Variants in POMGNT1 observed in about 807,000 individuals in gnomAD.
POMGNT1 encodes the protein protein O-linked-mannose beta-1,2-N-acetylglucosaminyltransferase 1.
POMGNT1 carries 67 observed loss-of-function variants against 95.6 expected under a neutral mutation model. The ratio of observed to expected loss-of-function variants is 0.70; its 90% CI spans 0.58 to 0.86. The LOEUF (loss-of-function observed/expected upper bound fraction) is 0.86. Among genes scored for constraint, POMGNT1 ranks in the 40% least tolerant of loss-of-function variants. The pLI is 0.00. For synonymous variants in POMGNT1, 298 were observed against 317.9 expected, an observed-to-expected ratio of 0.94 and a Z score of 0.66; for missense variants, 719 against 855.2, an observed-to-expected ratio of 0.84 and a Z score of 1.99.
chr1:46,197,218 C>G (rs1204111160), intron 2 of POMGNT1, 134 bp from the exon 3 acceptor site: 1 of 1,578,484 alleles, frequency 6.3e-7, no homozygotes, highest in Non-Finnish European at 8.6e-7. Context: ...GTCTGCCTAG[C>G]TCTACTCCCC....
rs2148219344 is a variant in POMGNT1 at position 46,197,054 on chromosome 1, C to T, written c.151G>A (p.Val51Ile). The T allele has an allele frequency of 6.2e-7, 1 of 1,614,148 alleles. No individual in the cohort carries two copies. Among genetic ancestry groups the T allele is most frequent in the South Asian group, 1.1e-5 (1 of 91,066 alleles). Residue 51 changes from valine to isoleucine, a missense_variant, in exon 3 of 22, where the codon GTC (valine) becomes ATC (isoleucine). Around this residue, in one of 5 missense-constraint regions of POMGNT1, gnomAD observed 466 missense variants for 517.4 expected, o/e 0.90. Transcript: ENST00000371984. ...AGGATCAACTTGATATTGACAATGA[C>T]AGTCACCAGCAGGAAAAGCACGGCC... ...TGAVLFLLVT[V>I]IVNIKLILDT...
intron 1 of POMGNT1, among the ~76,000 whole-genome samples, chr1:46,207,419 C>G (rs1321512138): frequency 6.6e-6 from 1 of 151,618 alleles, no homozygotes; most frequent in Non-Finnish European, 1.5e-5. Context: ...CAGCTCATGT[C>G]CCTTATCCTA....
chr1:46,188,773 G>T lies in POMGNT1; in HGVS notation c.*497C>A. ...GAAGGCTGAGAGGAGGCCTGGTCCAGTGTCTAAGGGTCTCTGAGTGAGTCT... is the reference window on the plus strand; with the variant it reads ...GAAGGCTGAGAGGAGGCCTGGTCCATTGTCTAAGGGTCTCTGAGTGAGTCT... On this transcript the variant is annotated 3_prime_UTR_variant, in exon 22 of 22. Coordinates refer to ENST00000371984, the MANE Select transcript of POMGNT1 (RefSeq NM_017739.4). 1 of 1,612,864 alleles carries T rather than the reference G, an allele frequency of 6.2e-7. No homozygotes were observed. Among genetic ancestry groups the T allele is most frequent in the Non-Finnish European group, 8.5e-7 (1 of 1,179,852 alleles).
chr1:46,193,985 C>G lies in POMGNT1; in HGVS notation c.880-60G>C, dbSNP rs1426706403. 5 of 1,601,900 alleles carry G rather than the reference C, an allele frequency of 3.1e-6. No individual in the cohort carries two copies. In the African/African-American group the frequency reaches 4.0e-5, roughly 13 times the overall value. On this transcript the variant is annotated intron_variant, in intron 9 of 21. Coordinates refer to ENST00000371984, the MANE Select transcript of POMGNT1 (RefSeq NM_017739.4). ...TCCCCCTTCAAACTGGGATCCCCAC[C>G]TAGGGAAGACTTCTCAGGTGAGGGT...
intron 9 of POMGNT1, 129 bp from the exon 10 acceptor site, chr1:46,194,054 C>T: frequency 6.5e-7 from 1 of 1,547,440 alleles, no homozygotes; most frequent in Non-Finnish European, 8.7e-7. Flanking sequence ...AGGATCTTCC[C>T]TGTTCTGGGC....
Position 46,197,802 on chromosome 1 carries a change from C to T in POMGNT1, c.20G>A (p.Ser7Asn). 6.2e-7 allele frequency: 1 copy of T among 1,614,142 alleles called. No homozygotes were observed. The highest frequency in any genetic ancestry group is 8.5e-7 in the Non-Finnish European group (1 of 1,180,024). MDDWKP[S>N]PLIKPFGARK... ...AGCCCCAAAGGGCTTGATGAGGGGG[C>T]TGGGCTTCCAGTCGTCCATACCGGA... Residue 7 changes from serine to asparagine, a missense_variant, in exon 2 of 22, where the codon AGC (serine) becomes AAC (asparagine). Around this residue, in one of 5 missense-constraint regions of POMGNT1, gnomAD observed 466 missense variants for 517.4 expected, o/e 0.90. Coordinates refer to ENST00000371984, the MANE Select transcript of POMGNT1 (RefSeq NM_017739.4).
chr1:46,197,658 T>G (rs928824385), intron 2 of POMGNT1, 44 bp downstream of exon 2: 1 of 1,612,636 alleles, frequency 6.2e-7, no homozygotes, highest in African/African-American at 1.3e-5. Context: ...GGGAGGAAGC[T>G]GGGAGGGAGC....
chr1:46,190,790 G>A lies in POMGNT1; in HGVS notation c.1540-6C>T, dbSNP rs770449394. 3.7e-5 allele frequency: 59 copies of A among 1,609,958 alleles called. No homozygotes were observed. The East Asian group carries it at 7.6e-4, about 21-fold the overall frequency. Reference sequence around the variant, plus strand: ...TGCTTCTTGAAGTAGGCCTCCTGGAGTGGGTATGAGAGTGAAAATCAGCAC... The same window carrying A: ...TGCTTCTTGAAGTAGGCCTCCTGGAATGGGTATGAGAGTGAAAATCAGCAC... On this transcript the variant is annotated splice_region_variant and splice_polypyrimidine_tract_variant and intron_variant, in intron 17 of 21. Coordinates refer to ENST00000371984, the MANE Select transcript of POMGNT1 (RefSeq NM_017739.4).
chr1:46,213,939 C>T (rs1658981749), intron 1 of POMGNT1, among the ~76,000 whole-genome samples: 2 of 151,990 alleles, frequency 1.3e-5, no homozygotes, highest in East Asian at 1.9e-4. Flanking sequence ...TCAGAGTTGG[C>T]AAGCTTCATA....
chr1:46,204,154 A>G (rs573601524), intron 1 of POMGNT1, among the ~76,000 whole-genome samples: 1 of 152,274 alleles, frequency 6.6e-6, no homozygotes, highest in Admixed American at 6.5e-5. Context: ...TACATCCCCC[A>G]GCCCTACTTA....
In POMGNT1 at chr1:46,188,799, G is replaced by A; in HGVS notation, c.*471C>T. The A allele has an allele frequency of 6.2e-7, 1 of 1,612,924 alleles. No homozygotes were observed. ...TGTCTAAGGGTCTCTGAGTGAGTCT[G>A]TGTCAGCATGTGGGCCCCAGCTGGG... On this transcript the variant is annotated 3_prime_UTR_variant, in exon 22 of 22. Transcript: ENST00000371984.
chr1:46,198,545 C>CGGCGGT (rs1165538506), upstream of POMGNT1: 1 of 169,558 alleles, frequency 5.9e-6, no homozygotes, highest in African/African-American at 2.4e-5. Flanking sequence ...GCGGCGGTGG[C>CGGCGGT]GGCAGCGGCG....
upstream of POMGNT1, among the ~76,000 whole-genome samples, chr1:46,202,917 G>GTGT (rs1553164806): frequency 9.8e-6 from 1 of 101,920 alleles, no homozygotes; most frequent in African/African-American, 3.8e-5. Flanking sequence ...GGGGGGGGGG[G>GTGT]GTGGTGTGTG....
At chr1:46,212,516 C>T (rs914649647) in intron 1 of POMGNT1, among the ~76,000 whole-genome samples, 5 of 151,730 alleles carry the variant, frequency 3.3e-5, no homozygotes, top group Non-Finnish European at 5.9e-5. Flanking sequence ...CTCCTGACCT[C>T]GTGATCCGCC....
In POMGNT1 at chr1:46,219,674, C is replaced by A. The variant is rs770049366; in HGVS notation, c.-51+31G>T. 39 of 1,548,816 alleles carry A rather than the reference C, an allele frequency of 2.5e-5. No homozygotes were observed. The East Asian group carries it at 7.9e-4, about 31-fold the overall frequency. Reference sequence around the variant, plus strand: ...GGAAACCCATGCCCCAGAACTGGGACTAATTCCTTCTCCCACTCCCCCAGG... The same window carrying A: ...GGAAACCCATGCCCCAGAACTGGGAATAATTCCTTCTCCCACTCCCCCAGG... On this transcript the variant is annotated intron_variant, in intron 1 of 22. Coordinates refer to the POMGNT1 transcript ENST00000371992.
In POMGNT1 at chr1:46,188,937, G is replaced by A. The variant is rs1266355905; in HGVS notation, c.*333C>T. The stretch of plus-strand genomic sequence containing the variant: ...CCCTCCAGGTTCGGCCTGTTTTCAA[G>A]GCCCTCAGGACAGTCAATAAATAGG... On this transcript the variant is annotated 3_prime_UTR_variant, in exon 22 of 22. Coordinates refer to ENST00000371984, the MANE Select transcript of POMGNT1 (RefSeq NM_017739.4). 6.2e-7 allele frequency: 1 copy of A among 1,612,832 alleles called. No individual in the cohort carries two copies. The highest frequency in any genetic ancestry group is 2.2e-5 in the East Asian group (1 of 44,882).
At chr1:46,197,896 G>T in intron 1 of POMGNT1, 25 bp from the exon 2 acceptor site, 1 of 1,603,342 alleles carries the variant, frequency 6.2e-7, no homozygotes, top group East Asian at 2.2e-5. Context: ...GGGCCACATG[G>T]GGTAAGATGC....
intron 1 of POMGNT1, among the ~76,000 whole-genome samples, chr1:46,211,740 T>C (rs1164901238): frequency 6.6e-6 from 1 of 152,082 alleles, no homozygotes; most frequent in African/African-American, 2.4e-5. Flanking sequence ...TTAATTCCAG[T>C]GTCTAATTTT....
intron 2 of POMGNT1, 32 bp from the exon 3 acceptor site, chr1:46,197,116 G>T (rs1229837175): frequency 3.7e-6 from 6 of 1,613,782 alleles, no homozygotes; most frequent in African/African-American, 1.3e-5. Context: ...ATTAAGAGGA[G>T]CACCTCCTTC....
Sources: gnomAD v4.1 joint callset for allele counts (sites outside exome capture counted in the v4.1 genomes callset) on GRCh38, gnomAD v4.1.1 for gene constraint, gnomAD v4.1.1 regional missense constraint, MANE v1.5 for transcripts, NCBI Gene and HGNC (gene_info 2026-07-23, HGNC 2026-07-21) for gene names.